The following SLC19A1 variants were observed in gnomAD, a reference collection of about 807,000 sequenced individuals.
The protein encoded by SLC19A1 is reduced folate transporter.
SLC19A1 carries 37 observed loss-of-function variants against 35.3 expected under a neutral mutation model. That is an observed-to-expected ratio of 1.05 (90% CI 0.81 to 1.38). The LOEUF is 1.38. SLC19A1 is among the 40% of genes most tolerant of loss of function. SLC19A1 has a pLI of 0.00. For synonymous variants in SLC19A1, 460 were observed against 398.5 expected (o/e 1.15, Z -1.84); for missense variants, 831 against 826.9 (o/e 1.00, Z -0.06).
chr21:45,537,177 G>A (rs1285555119), intron 2 of SLC19A1, among the ~76,000 whole-genome samples: 1 of 152,168 alleles, frequency 6.6e-6, no homozygotes, highest in African/African-American at 2.4e-5. Context: ...GGGTGGGGTG[G>A]GGCAGGCTCT....
At chr21:45,553,675 CACCCCATCCCA>C (rs1208797879) in intron 1 of SLC19A1, among the ~76,000 whole-genome samples, 4 of 24,738 alleles carry the variant, frequency 1.6e-4, no homozygotes, top group African/African-American at 2.7e-4. Flanking sequence ...CAGTCCCCCA[CACCCCATCCCA>C]GTCCCCCACG....
intron 1 of SLC19A1, among the ~76,000 whole-genome samples, chr21:45,559,320 G>T (rs903967869): frequency 2.0e-5 from 3 of 152,108 alleles, no homozygotes; most frequent in Admixed American, 6.5e-5. Flanking sequence ...GTCCATCAGG[G>T]AATTGCCCCC....
intron 3 of SLC19A1, chr21:45,504,344 CGGG>C: frequency 6.7e-7 from 1 of 1,499,568 alleles, no homozygotes; most frequent in Middle Eastern, 1.8e-4. Context: ...AGCCCTGGCT[CGGG>C]GGGATGGGAG....
chr21:45,507,863 C>T (rs1290881596), downstream of SLC19A1, among the ~76,000 whole-genome samples: 1 of 152,238 alleles, frequency 6.6e-6, no homozygotes, highest in Non-Finnish European at 1.5e-5. Flanking sequence ...CCGCTCATTG[C>T]CCTCCTCAAG....
At chr21:45,556,240 C>T (rs1256755598) in intron 1 of SLC19A1, among the ~76,000 whole-genome samples, 1 of 152,238 alleles carries the variant, frequency 6.6e-6, no homozygotes, top group Non-Finnish European at 1.5e-5. Context: ...AGACCTGAGA[C>T]TCCTAAGCTG....
At chr21:45,508,162 G>C (rs1315495548), downstream of SLC19A1, among the ~76,000 whole-genome samples, 2 of 151,010 alleles carry the variant, frequency 1.3e-5, no homozygotes, top group Non-Finnish European at 3.0e-5. Flanking sequence ...TGAGTGGATA[G>C]GTAGGTAGCT....
At chr21:45,526,030 C>A in intron 4 of SLC19A1, 72 bp from the exon 5 acceptor site, 1 of 1,545,918 alleles carries the variant, frequency 6.5e-7, no homozygotes, top group South Asian at 1.1e-5. Flanking sequence ...AAGCCTGCAG[C>A]CCGGCTCCCA....
At chr21:45,550,078 A>C (rs960142516) in intron 1 of SLC19A1, among the ~76,000 whole-genome samples, 1 of 152,058 alleles carries the variant, frequency 6.6e-6, no homozygotes, top group African/African-American at 2.4e-5. Flanking sequence ...AAAAGTGGAC[A>C]GTGGGGGTCA....
At chr21:45,539,026 G>T (rs185607422) in intron 1 of SLC19A1, among the ~76,000 whole-genome samples, 1 of 152,204 alleles carries the variant, frequency 6.6e-6, no homozygotes, top group Admixed American at 6.5e-5. Context: ...ACCACAAATC[G>T]TGCCTTTCAG....
intron 1 of SLC19A1, among the ~76,000 whole-genome samples, chr21:45,556,308 G>A (rs2078561371): frequency 6.6e-6 from 1 of 152,150 alleles, no homozygotes; most frequent in Non-Finnish European, 1.5e-5. Flanking sequence ...ACCCAAGACT[G>A]CAAGCTCAAG....
rs1267398129 is a variant in SLC19A1, at chr21:45,507,406, ACAGGCTTGGAGGGG to A, written c.498-8808_498-8795del. 3.2e-5 allele frequency: 17 copies of A among 532,812 alleles called. No homozygotes were observed. In the East Asian group the frequency reaches 9.3e-4, roughly 29 times the overall value. 33.0% of individuals were successfully genotyped at this position (532,812 alleles called of 1,614,324 possible). ...TGCTGGGCAGGGAGCGTACCCTGGC[ACAGGCTTGGAGGGG>A]CAGGTGCTGGGCAGGGAGGGCACCC... is the stretch of plus-strand genomic sequence containing the variant. On this transcript the variant is annotated intron_variant, in intron 3 of 4. Transcript: ENST00000417954.
intron 1 of SLC19A1, among the ~76,000 whole-genome samples, chr21:45,551,153 C>A (rs552403919): frequency 6.6e-6 from 1 of 151,820 alleles, no homozygotes; most frequent in South Asian, 2.1e-4. Flanking sequence ...ACTTAAGAGG[C>A]TGAGGCAGGA....
chr21:45,515,461 T>C lies in SLC19A1; in HGVS notation c.*197A>G, dbSNP rs2037860175. The C allele has an allele frequency of 5.4e-6, 8 of 1,484,042 alleles. No individual in the cohort carries two copies. Among genetic ancestry groups the C allele is most frequent in the African/African-American group, 2.8e-5 (2 of 71,072 alleles). The allele number at this position is 1,484,042 out of a possible 1,614,324, so 91.9% of individuals were successfully genotyped here. ...CGCGGGGCACAGTGCAGGGACAGCA[T>C]GGCCAGGCAGCTGCCCTGAGTGTCG... On this transcript the variant is annotated 3_prime_UTR_variant, in exon 6 of 6. Transcript: ENST00000311124.
Position 45,530,819 on chromosome 21 carries a change from C to T in SLC19A1, c.1102G>A (p.Ala368Thr), listed in dbSNP as rs1324354416. ...TAGGAGCCGCGGAACAGCACGAAGG[C>T]CGCATAGCACAGCCAGATGCTGCTC... is the stretch of plus-strand genomic sequence containing the variant. ...HPSSIWLCYA[A>T]FVLFRGSYQF... The change falls in exon 4 of 6, where the codon GCC becomes ACC. Residue 368 changes from alanine (A) to threonine (T), a missense_variant. By Grantham distance (58) the Ala-to-Thr change is moderately conservative. Coordinates refer to ENST00000311124, the MANE Select transcript of SLC19A1 (RefSeq NM_194255.4). The surrounding 1 kb of genome is among the most constrained non-coding windows in gnomAD (Gnocchi z 5.3). 1.3e-6 allele frequency: 2 copies of T among 1,555,100 alleles called. No homozygotes were observed. Among genetic ancestry groups the T allele is most frequent in the South Asian group, 1.2e-5 (1 of 84,354 alleles).
chr21:45,539,355 C>T (rs2078233272), intron 1 of SLC19A1, among the ~76,000 whole-genome samples: 1 of 152,236 alleles, frequency 6.6e-6, no homozygotes, highest in Non-Finnish European at 1.5e-5. Context: ...AGCTGAGCAG[C>T]CTTGTGGGGC....
At chr21:45,543,515 G>A (rs943461570), upstream of SLC19A1, among the ~76,000 whole-genome samples, 1 of 152,150 alleles carries the variant, frequency 6.6e-6, no homozygotes, top group Non-Finnish European at 1.5e-5. Flanking sequence ...CACAATCCGC[G>A]ACCTGCCTCC....
upstream of SLC19A1, among the ~76,000 whole-genome samples, chr21:45,545,743 G>A (rs111413397): frequency 5.1e-4 from 77 of 152,274 alleles, no homozygotes; most frequent in African/African-American, 1.5e-3. Flanking sequence ...GGCGCGGACC[G>A]GCCTGCCATG....
In SLC19A1 at chr21:45,514,854, GCCC is replaced by G. The variant is rs1243316698; in HGVS notation, c.*801_*803del. ...TTCCCCAGCGCCCACCACAAAGGCA[GCCC>G]CCCCAAGGCTGCCCAGCCCAGGCAA... On this transcript the variant is annotated 3_prime_UTR_variant, in exon 6 of 6. Coordinates refer to ENST00000311124, the MANE Select transcript of SLC19A1 (RefSeq NM_194255.4). 2 of 709,520 alleles carry G rather than the reference GCCC, an allele frequency of 2.8e-6. No homozygotes were observed. Among genetic ancestry groups the G allele is most frequent in the Non-Finnish European group, 4.4e-6 (2 of 455,778 alleles). The allele number at this position is 709,520 out of a possible 1,614,324, so 44.0% of individuals were successfully genotyped here. A position where few individuals can be genotyped will look rare whatever the true frequency, so the allele number is the denominator to read the frequency against.
rs1438217737 is a variant in SLC19A1 at position 45,512,867 on chromosome 21, C to CCAT, written c.*2788_*2790dup. 1 of 252,428 alleles carries CCAT rather than the reference C, an allele frequency of 4.0e-6. No homozygotes were observed. Among genetic ancestry groups the CCAT allele is most frequent in the African/African-American group, 2.3e-5 (1 of 44,144 alleles). 15.6% of individuals were successfully genotyped at this position (252,428 alleles called of 1,614,324 possible). On this transcript the variant is annotated 3_prime_UTR_variant, in exon 6 of 6. Coordinates refer to ENST00000311124, the MANE Select transcript of SLC19A1 (RefSeq NM_194255.4). ...AGCTGAGGCCACACTCAGCACAAGG[C>CCAT]CATCTGGGCTCCTCCAGGGTGTGTG...
Sources: gnomAD v4.1 joint callset for allele counts (sites outside exome capture counted in the v4.1 genomes callset) on GRCh38, gnomAD v4.1.1 for gene constraint, Gnocchi (gnomAD v3.1) non-coding constraint, MANE v1.5 for transcripts, NCBI Gene and HGNC (gene_info 2026-07-23, HGNC 2026-07-21) for gene names.